KCNQ1: variants seen among roughly 807,000 people sequenced by gnomAD.
KCNQ1 encodes the protein potassium voltage-gated channel subfamily KQT member 1.
Under a neutral mutation model 72.4 loss-of-function variants are expected in KCNQ1, and 49 were observed. That is an observed-to-expected ratio of 0.68 (90% CI 0.54 to 0.86). The LOEUF (loss-of-function observed/expected upper bound fraction) is 0.86. Ranked by LOEUF, KCNQ1 falls within the 40% of genes least tolerant of loss-of-function variation. KCNQ1 has a pLI of 0.00. For synonymous variants in KCNQ1, 450 were observed against 412.6 expected (o/e 1.09, Z -1.10); for missense variants, 790 against 945.1 (o/e 0.84, Z 2.15).
chr11:2,578,523 C>G (rs997156971), intron 6 of KCNQ1, among the ~76,000 whole-genome samples: 1 of 152,248 alleles, frequency 6.6e-6, no homozygotes, highest in Admixed American at 6.5e-5. Context: ...CGAGATCCTG[C>G]ATGGGCTTCC....
At chr11:2,555,528 G>A (rs893626731) in intron 2 of KCNQ1, among the ~76,000 whole-genome samples, 4 of 152,210 alleles carry the variant, frequency 2.6e-5, no homozygotes, top group Non-Finnish European at 5.9e-5. Flanking sequence ...GGGCGTCTCC[G>A]GGCCATGGGC....
chr11:2,616,758 A>G (rs10766217), intron 10 of KCNQ1: 219,217 of 397,842 alleles, frequency 0.55, 61,756 homozygotes, highest in East Asian at 0.75. Flanking sequence ...GATATTTTGT[A>G]TGATTTCTAT....
At chr11:2,811,436 T>C (rs138956751) in intron 15 of KCNQ1, among the ~76,000 whole-genome samples, 3 of 152,372 alleles carry the variant, frequency 2.0e-5, no homozygotes, top group East Asian at 1.9e-4. Context: ...GCCAAGTCCA[T>C]GGGCCTGCAC....
At chr11:2,650,226 C>T in intron 10 of KCNQ1, 1 of 398,358 alleles carries the variant, frequency 2.5e-6, no homozygotes. Flanking sequence ...TTTGTGTTCT[C>T]TTGTATCTCA....
At chr11:2,576,619 G>A (rs1446141437) in intron 6 of KCNQ1, among the ~76,000 whole-genome samples, 1 of 152,354 alleles carries the variant, frequency 6.6e-6, no homozygotes, top group East Asian at 1.9e-4. Flanking sequence ...GAGTCTGACT[G>A]CCTGCTGTTC....
Position 2,654,434 on chromosome 11 carries a change from G to A in KCNQ1, c.1394-7527G>A, listed in dbSNP as rs896333474. On this transcript the variant is annotated intron_variant, in intron 10 of 15. Coordinates refer to ENST00000155840, the MANE Select transcript of KCNQ1 (RefSeq NM_000218.3). The surrounding 1 kb of genome is among the most constrained non-coding windows in gnomAD (Gnocchi z 6.4). ...CTGGGGAGACATGGGTGAGGCAGAA[G>A]GCAAGGTTCCCGTGCTGAGCGCCAG... is the stretch of plus-strand genomic sequence containing the variant. 7.5e-6 allele frequency: 3 copies of A among 398,562 alleles called. No individual in the cohort carries two copies. Among genetic ancestry groups the A allele is most frequent in the African/African-American group, 2.1e-5 (1 of 48,604 alleles). 24.7% of individuals were successfully genotyped at this position (398,562 alleles called of 1,614,324 possible).
At position 2,512,636 on chromosome 11, in the gene KCNQ1, G is replaced by T. The variant is rs554123478; in HGVS notation, c.387-15292G>T. 2.6e-5 allele frequency among the ~76,000 whole-genome samples: 4 copies of T among 152,342 alleles called. No homozygotes were observed. In the South Asian group the frequency reaches 8.3e-4, roughly 32 times the overall value. On this transcript the variant is annotated intron_variant, in intron 1 of 15. Transcript: ENST00000155840. ...TGGCCGCCTCTTGCTCTCTGAGCAG[G>T]GATGTCCGTGCCTTGGGCCTGAGGC...
intron 10 of KCNQ1, chr11:2,616,209 T>G: frequency 2.5e-6 from 1 of 397,626 alleles, no homozygotes; most frequent in Non-Finnish European, 4.4e-6. Flanking sequence ...CTTTTGTTTT[T>G]TTTTCTTATT....
chr11:2,590,300 CAT>C (rs1215344931), intron 10 of KCNQ1, among the ~76,000 whole-genome samples: 4 of 152,242 alleles, frequency 2.6e-5, no homozygotes, highest in Non-Finnish European at 5.9e-5. Context: ...CTGAGGCAGA[CAT>C]AGTAGTGACT....
In KCNQ1 at chr11:2,803,155, C is replaced by CA. The variant is rs58097109; in HGVS notation, c.1794+25118_1794+25119insA. On this transcript the variant is annotated intron_variant, in intron 15 of 15. Coordinates refer to ENST00000155840, the MANE Select transcript of KCNQ1 (RefSeq NM_000218.3). This position sits in a 1 kb window ranked among gnomAD's most constrained non-coding sequence, Gnocchi z 6.4. Reference sequence around the variant, plus strand: ...GGGTAGCCCAGAAAACCCAGCCGGGCCCCCCCCCCCACGGGCACCCAGGAA... The same window carrying CA: ...GGGTAGCCCAGAAAACCCAGCCGGGCACCCCCCCCCCACGGGCACCCAGGAA... 0.62 allele frequency among the ~76,000 whole-genome samples: 87,701 copies of CA among 141,640 alleles called. 26,778 individuals are homozygous for CA. Among genetic ancestry groups the CA allele is most frequent in the Middle Eastern group, 0.71 (188 of 266 alleles). The allele number at this position is 141,640 out of a possible 152,430, so 92.9% of individuals were successfully genotyped here. A position where few individuals can be genotyped will look rare whatever the true frequency, so the allele number is the denominator to read the frequency against.
chr11:2,699,426 G>A (rs948556749), intron 11 of KCNQ1: 3 of 400,516 alleles, frequency 7.5e-6, no homozygotes, highest in African/African-American at 6.6e-5. Context: ...CCGCGCTGAG[G>A]AGAGTCTGGG....
intron 15 of KCNQ1, among the ~76,000 whole-genome samples, chr11:2,794,667 C>T (rs562308189): frequency 5.9e-5 from 9 of 152,240 alleles, no homozygotes; most frequent in African/African-American, 1.7e-4. Context: ...GGGAGTACAC[C>T]GCCTTCCCAG....
rs184096017 is a variant in KCNQ1, at chr11:2,537,804, G to A, written c.477+9786G>A. On this transcript the variant is annotated intron_variant, in intron 2 of 15. Coordinates refer to ENST00000155840, the MANE Select transcript of KCNQ1 (RefSeq NM_000218.3). The surrounding 1 kb of genome is among the most constrained non-coding windows in gnomAD (Gnocchi z 5.2). ...CATACTCACGGCTCACTGCAGCCTC[G>A]GCCTCCTGGCCTCAAGTGTTCCCAC... 1.2e-3 allele frequency among the ~76,000 whole-genome samples: 175 copies of A among 151,988 alleles called. No individual in the cohort carries two copies. Among genetic ancestry groups the A allele is most frequent in the Non-Finnish European group, 2.2e-3 (149 of 67,980 alleles).
chr11:2,461,761 G>A, intron 1 of KCNQ1: 1 of 1,348,336 alleles, frequency 7.4e-7, no homozygotes, highest in Non-Finnish European at 9.9e-7. Context: ...GGGATGGGCA[G>A]GTGGATGGGG....
chr11:2,591,670 A>G (rs917054576), intron 10 of KCNQ1, among the ~76,000 whole-genome samples: 1 of 152,208 alleles, frequency 6.6e-6, no homozygotes, highest in African/African-American at 2.4e-5. Context: ...CAGCCTGGTT[A>G]GTGTTATGAA....
In KCNQ1 at chr11:2,665,495, C is replaced by T. The variant is rs1850050994; in HGVS notation, c.1514+3414C>T. 4 of 395,234 alleles carry T rather than the reference C, an allele frequency of 1.0e-5. No homozygotes were observed. In the South Asian group the frequency reaches 4.0e-4, roughly 39 times the overall value. The allele number at this position is 395,234 out of a possible 1,614,324, so 24.5% of individuals were successfully genotyped here. ...GGACGGTGCCATGCCTGTGTGCATC[C>T]CTGTGCCTTGCGTGTGGTAACCTGC... On this transcript the variant is annotated intron_variant, in intron 11 of 15. Coordinates refer to ENST00000155840, the MANE Select transcript of KCNQ1 (RefSeq NM_000218.3).
chr11:2,466,032 T>C (rs1846346919), intron 1 of KCNQ1, among the ~76,000 whole-genome samples: 2 of 152,222 alleles, frequency 1.3e-5, no homozygotes, highest in South Asian at 4.1e-4. Flanking sequence ...ATGAGTGTTC[T>C]CGGGCTGGCT....
chr11:2,763,311 A>G (rs545355871), intron 11 of KCNQ1, among the ~76,000 whole-genome samples: 19 of 151,900 alleles, frequency 1.3e-4, no homozygotes, highest in South Asian at 8.3e-4. Context: ...CACCTGTAAT[A>G]CCAACTACTT....
chr11:2,617,713 C>T lies in KCNQ1; in HGVS notation c.1393+28859C>T. 7.5e-6 allele frequency: 3 copies of T among 398,458 alleles called. No individual in the cohort carries two copies. The highest frequency in any genetic ancestry group is 4.4e-6 in the Non-Finnish European group (1 of 225,952). 24.7% of individuals were successfully genotyped at this position (398,458 alleles called of 1,614,324 possible). On this transcript the variant is annotated intron_variant, in intron 10 of 15. Transcript: ENST00000155840. The surrounding 1 kb of genome is among the most constrained non-coding windows in gnomAD (Gnocchi z 4.6). ...AAGAGTTCCCTAACCCTAGCCAACA[C>T]TTAATAGCTATTCTCATGAGTGTGA...
Sources: gnomAD v4.1 joint callset for allele counts (sites outside exome capture counted in the v4.1 genomes callset) on GRCh38, gnomAD v4.1.1 for gene constraint, Gnocchi (gnomAD v3.1) non-coding constraint, MANE v1.5 for transcripts, NCBI Gene and HGNC (gene_info 2026-07-23, HGNC 2026-07-21) for gene names.